Variants in LHFPL2 observed in about 807,000 individuals in gnomAD.
LHFPL2 encodes LHFPL tetraspan subfamily member 2, also known as LHFPL tetraspan subfamily member 2 protein.
A neutral mutation model predicts 17.5 loss-of-function variants in LHFPL2; 7 were observed. That is an observed-to-expected ratio of 0.40 (90% CI 0.23 to 0.75). LHFPL2 has a LOEUF of 0.75. Among genes scored for constraint, LHFPL2 ranks in the 30% least tolerant of loss-of-function variants. LHFPL2 has a pLI of 0.37. For synonymous variants in LHFPL2, 134 were observed against 116.2 expected (o/e 1.15, Z -0.99); for missense variants, 241 against 294.8 (o/e 0.82, Z 1.34).
intron 1 of LHFPL2, among the ~76,000 whole-genome samples, chr5:78,646,911 C>T (rs1745903187): frequency 6.6e-6 from 1 of 152,118 alleles, no homozygotes; most frequent in African/African-American, 2.4e-5. Context: ...ATTATTCTTC[C>T]TAATTAGGCT....
chr5:78,578,489 C>T (rs1348767955), intron 2 of LHFPL2, among the ~76,000 whole-genome samples: 2 of 151,878 alleles, frequency 1.3e-5, no homozygotes, highest in African/African-American at 4.8e-5. Context: ...TCTTGCAAGA[C>T]GGAAGGTTCT....
At chr5:78,589,512 T>C (rs1580837928) in intron 2 of LHFPL2, among the ~76,000 whole-genome samples, 1 of 150,198 alleles carries the variant, frequency 6.7e-6, no homozygotes, top group Non-Finnish European at 1.5e-5. Flanking sequence ...ATATAGGAAG[T>C]GTGATTCAAA....
intron 1 of LHFPL2, among the ~76,000 whole-genome samples, chr5:78,640,882 C>T (rs1745638783): frequency 6.6e-6 from 1 of 152,138 alleles, no homozygotes; most frequent in African/African-American, 2.4e-5. Context: ...CTGGGGCCTG[C>T]TTGGCACACT....
At chr5:78,567,470 G>T (rs1238817713) in intron 2 of LHFPL2, among the ~76,000 whole-genome samples, 3 of 152,020 alleles carry the variant, frequency 2.0e-5, no homozygotes, top group Non-Finnish European at 4.4e-5. Context: ...AGGACTGTCA[G>T]GCATTGTTCT....
At chr5:78,606,554 TCAGA>T (rs1270366243) in intron 2 of LHFPL2, among the ~76,000 whole-genome samples, 2 of 152,190 alleles carry the variant, frequency 1.3e-5, no homozygotes, top group African/African-American at 2.4e-5. Flanking sequence ...CTCTCCATGA[TCAGA>T]CAGTCTCTGG....
At chr5:78,573,551 G>A (rs1757056714) in intron 2 of LHFPL2, among the ~76,000 whole-genome samples, 2 of 152,220 alleles carry the variant, frequency 1.3e-5, no homozygotes, top group Non-Finnish European at 2.9e-5. Flanking sequence ...CATGTTGGAG[G>A]TATCTCTGCA....
intron 4 of LHFPL2, among the ~76,000 whole-genome samples, chr5:78,503,813 A>C (rs772967308): frequency 1.4e-4 from 22 of 152,212 alleles, no homozygotes; most frequent in Non-Finnish European, 2.6e-4. Flanking sequence ...TGAATTCTTC[A>C]TTCCCTTTAT....
In LHFPL2 at chr5:78,577,439, G is replaced by C. The variant is rs373405151; in HGVS notation, c.-244-12568C>G. Among the ~76,000 whole-genome samples, 3 of 152,084 alleles carry C rather than the reference G, an allele frequency of 2.0e-5. No individual in the cohort carries two copies. In the East Asian group the frequency reaches 5.8e-4, roughly 29 times the overall value. On this transcript the variant is annotated intron_variant, in intron 2 of 4. Transcript: ENST00000380345. ...TTTTATTTCCTTCAGAGTCAAAGGG[G>C]GCTGTTTCTCTCAACATTTTTTTTA...
intron 2 of LHFPL2, among the ~76,000 whole-genome samples, chr5:78,591,837 A>G (rs1743636734): frequency 6.6e-6 from 1 of 152,218 alleles, no homozygotes; most frequent in African/African-American, 2.4e-5. Flanking sequence ...AACACAAGGC[A>G]CATGTAGAAC....
intron 2 of LHFPL2, among the ~76,000 whole-genome samples, chr5:78,576,274 A>G (rs1246135756): frequency 2.0e-5 from 3 of 151,818 alleles, no homozygotes; most frequent in Non-Finnish European, 2.9e-5. Flanking sequence ...CAGCCTGGGC[A>G]ACAGAGCGAG....
intron 1 of LHFPL2, among the ~76,000 whole-genome samples, chr5:78,642,720 T>A (rs1046522929): frequency 6.6e-6 from 1 of 152,100 alleles, no homozygotes; most frequent in Non-Finnish European, 1.5e-5. Flanking sequence ...GCTGGACATC[T>A]CTTCTTGGAG....
intron 2 of LHFPL2, among the ~76,000 whole-genome samples, chr5:78,591,736 AGGGAAAGG>A (rs1455795394): frequency 6.6e-6 from 1 of 152,220 alleles, no homozygotes; most frequent in Admixed American, 6.5e-5. Context: ...CTCTGGTACA[AGGGAAAGG>A]AGGGGAGGAG....
At chr5:78,631,530 C>T (rs1745246305) in intron 2 of LHFPL2, among the ~76,000 whole-genome samples, 1 of 152,256 alleles carries the variant, frequency 6.6e-6, no homozygotes, top group Non-Finnish European at 1.5e-5. Context: ...GTAAAGCTCA[C>T]CATGACAAGT....
At position 78,528,885 on chromosome 5, in the gene LHFPL2, C is replaced by T. The variant is rs184012816; in HGVS notation, c.-185-18487G>A. Among the ~76,000 whole-genome samples the T allele has an allele frequency of 4.3e-4, 65 of 152,312 alleles. No homozygotes were observed. In the East Asian group the frequency reaches 6.0e-3, roughly 14 times the overall value. On this transcript the variant is annotated intron_variant, in intron 3 of 4. Coordinates refer to ENST00000380345, the MANE Select transcript of LHFPL2 (RefSeq NM_005779.3). ...TTAATAAATACCAACAACCAAGATA[C>T]GTCTATTTTAACCAGCCTAATGCTA...
chr5:78,574,806 C>T (rs1202102951), intron 2 of LHFPL2, among the ~76,000 whole-genome samples: 1 of 152,222 alleles, frequency 6.6e-6, no homozygotes, highest in African/African-American at 2.4e-5. Flanking sequence ...CCTGAGCTTT[C>T]GCTTACATGA....
intron 2 of LHFPL2, among the ~76,000 whole-genome samples, chr5:78,572,304 G>GA (rs1447269372): frequency 6.6e-6 from 1 of 151,872 alleles, no homozygotes; most frequent in Non-Finnish European, 1.5e-5. Flanking sequence ...ACAGTAAAAA[G>GA]AAAAAATAGC....
chr5:78,578,442 T>C (rs1051654962), intron 2 of LHFPL2, among the ~76,000 whole-genome samples: 3 of 152,104 alleles, frequency 2.0e-5, no homozygotes, highest in African/African-American at 7.2e-5. Flanking sequence ...AGTTTTGGAA[T>C]TGGGAAACTA....
chr5:78,509,663 G>C, intron 4 of LHFPL2, 121 bp downstream of exon 4: 2 of 1,016,950 alleles, frequency 2.0e-6, no homozygotes, highest in African/African-American at 1.6e-5. Context: ...AAGGAAACCT[G>C]AATAGACAGA....
At chr5:78,610,251 G>T (rs185135940) in intron 2 of LHFPL2, among the ~76,000 whole-genome samples, 16 of 152,292 alleles carry the variant, frequency 1.1e-4, no homozygotes, top group Admixed American at 3.3e-4. Context: ...AGGAATGCAG[G>T]GTCCTCATTC....
Sources: gnomAD v4.1 joint callset for allele counts (sites outside exome capture counted in the v4.1 genomes callset) on GRCh38, gnomAD v4.1.1 for gene constraint, MANE v1.5 for transcripts, NCBI Gene and HGNC (gene_info 2026-07-23, HGNC 2026-07-21) for gene names.